The following TRUB1 variants were observed in gnomAD, a reference collection of about 807,000 sequenced individuals.
The protein encoded by TRUB1 is pseudouridylate synthase TRUB1.
TRUB1 carries 23 observed loss-of-function variants against 33.9 expected under a neutral mutation model. The ratio of observed to expected loss-of-function variants is 0.68; its 90% CI spans 0.49 to 0.96. TRUB1 has a LOEUF of 0.96. TRUB1 is among the 40% of genes least tolerant of loss of function. The pLI, the probability that TRUB1 is intolerant of heterozygous loss-of-function variation, is 0.00. For synonymous variants in TRUB1, 163 were observed against 165.4 expected (o/e 0.99, Z 0.11); for missense variants, 378 against 422.2 (o/e 0.90, Z 0.92).
At position 114,951,124 on chromosome 10, in the gene TRUB1, T is replaced by C. The variant is rs2084233463; in HGVS notation, c.416T>C (p.Leu139Ser). 6.2e-7 allele frequency: 1 copy of C among 1,612,940 alleles called. No individual in the cohort carries two copies. The highest frequency in any genetic ancestry group is 8.5e-7 in the Non-Finnish European group (1 of 1,179,320). The change falls in exon 3 of 8, where the codon TTG becomes TCG. Residue 139 changes from leucine (L) to serine (S), a missense_variant. Transcript: ENST00000298746. ...VVGIGSGTKM[L>S]TSMLSGSKRY... ...GGAATTGGAAGCGGAACAAAAATGTTGACCAGTATGTTGTCAGGGTCCAAG... is the reference window on the plus strand; with the variant it reads ...GGAATTGGAAGCGGAACAAAAATGTCGACCAGTATGTTGTCAGGGTCCAAG...
At position 114,976,538 on chromosome 10, in the gene TRUB1, A is replaced by G. The variant is rs986322114; in HGVS notation, c.*1159A>G. ...ATTCAGATCCCTCTTCCTTTACTCA[A>G]ATACAGTTTCAAAAGGAAGACTCAT... is the stretch of plus-strand genomic sequence containing the variant. On this transcript the variant is annotated 3_prime_UTR_variant, in exon 8 of 8. Coordinates refer to ENST00000298746, the MANE Select transcript of TRUB1 (RefSeq NM_139169.5). The G allele has an allele frequency of 1.3e-5, 2 of 152,144 alleles. No homozygotes were observed. The highest frequency in any genetic ancestry group is 4.8e-5 in the African/African-American group (2 of 41,452). The allele number at this position is 152,144 out of a possible 1,614,324, so 9.4% of individuals were successfully genotyped here. A position where few individuals can be genotyped will look rare whatever the true frequency, so the allele number is the denominator to read the frequency against.
At chr10:114,951,064 T>C (rs1159118372) in intron 2 of TRUB1, 30 bp from the exon 3 acceptor site, 1 of 1,589,206 alleles carries the variant, frequency 6.3e-7, no homozygotes, top group African/African-American at 1.3e-5. Flanking sequence ...CAGAACAGAG[T>C]GTCATAATAT....
rs2084168645 is a variant in TRUB1, at chr10:114,938,288, C to T, written c.35C>T (p.Pro12Leu). Residue 12 changes from proline to leucine, a missense_variant, in exon 1 of 8, where the codon CCG (proline) becomes CTG (leucine). Physicochemically the swap from Pro to Leu is moderately conservative, Grantham distance 98. Transcript: ENST00000298746. ...TCTGAGGCGGCGGTGGTGTCTTCGCCGTCTTTGAAAACAGACACATCCCCT... is the reference window on the plus strand; with the variant it reads ...TCTGAGGCGGCGGTGGTGTCTTCGCTGTCTTTGAAAACAGACACATCCCCT... The part of the protein sequence containing the change: ...AASEAAVVSS[P>L]SLKTDTSPVL... The T allele has an allele frequency of 3.1e-6, 5 of 1,614,092 alleles. No individual in the cohort carries two copies. Among genetic ancestry groups the T allele is most frequent in the Admixed American group, 1.7e-5 (1 of 60,010 alleles).
intron 5 of TRUB1, among the ~76,000 whole-genome samples, chr10:114,970,755 GA>G (rs1285972721): frequency 3.9e-5 from 6 of 152,272 alleles, no homozygotes; most frequent in African/African-American, 1.4e-4. Flanking sequence ...TCTTTTCCTA[GA>G]ACTGTTGTGA....
chr10:114,940,465 A>G (rs1272336416), intron 1 of TRUB1, among the ~76,000 whole-genome samples: 1 of 152,088 alleles, frequency 6.6e-6, no homozygotes. Context: ...GCCATGTTTG[A>G]CAACCATGAT....
chr10:114,947,807 C>A (rs1040206586), intron 2 of TRUB1, among the ~76,000 whole-genome samples: 3 of 152,180 alleles, frequency 2.0e-5, no homozygotes, highest in African/African-American at 4.8e-5. Context: ...TTTGTCAGAA[C>A]TGATTTTGTG....
intron 4 of TRUB1, chr10:114,969,718 G>A (rs1457504901): frequency 1.3e-5 from 1 of 76,632 alleles, no homozygotes; most frequent in Non-Finnish European, 2.5e-5. Context: ...GCTTATTTTT[G>A]AGGCCGGCTG....
At chr10:114,963,573 A>G (rs889601284) in intron 4 of TRUB1, among the ~76,000 whole-genome samples, 4 of 152,266 alleles carry the variant, frequency 2.6e-5, no homozygotes, top group Non-Finnish European at 5.9e-5. Flanking sequence ...GAAGATTGCT[A>G]GAAACCACAC....
intron 4 of TRUB1, 34 bp downstream of exon 4, chr10:114,959,841 A>G (rs1391869529): frequency 2.3e-6 from 3 of 1,326,188 alleles, no homozygotes; most frequent in African/African-American, 3.0e-5. Flanking sequence ...CCTCTTTTCT[A>G]ACATTTAGGA....
At chr10:114,963,284 C>G (rs1438449558) in intron 4 of TRUB1, among the ~76,000 whole-genome samples, 2 of 152,198 alleles carry the variant, frequency 1.3e-5, no homozygotes, top group East Asian at 3.8e-4. Flanking sequence ...ATGGTACTGT[C>G]TCCTCTTGGA....
At chr10:114,940,960 T>C (rs1202681331) in intron 1 of TRUB1, among the ~76,000 whole-genome samples, 1 of 152,154 alleles carries the variant, frequency 6.6e-6, no homozygotes, top group Admixed American at 6.5e-5. Context: ...GAGACCATGG[T>C]TCTGACTCAG....
intron 2 of TRUB1, among the ~76,000 whole-genome samples, chr10:114,949,437 AAGG>A (rs1300507875): frequency 6.6e-6 from 1 of 152,190 alleles, no homozygotes; most frequent in Non-Finnish European, 1.5e-5. Context: ...TATGACTTAG[AAGG>A]ACAATACAGA....
intron 3 of TRUB1, among the ~76,000 whole-genome samples, chr10:114,954,312 G>A (rs2143021406): frequency 6.6e-6 from 1 of 152,252 alleles, no homozygotes; most frequent in South Asian, 2.1e-4. Flanking sequence ...AGTCGTAATT[G>A]GAGATATTGC....
At chr10:114,967,138 A>G (rs1038194159) in intron 4 of TRUB1, among the ~76,000 whole-genome samples, 1 of 152,202 alleles carries the variant, frequency 6.6e-6, no homozygotes, top group African/African-American at 2.4e-5. Context: ...TATTTTCCTC[A>G]AATTCCAGCT....
chr10:114,943,665 A>G (rs955186723), intron 2 of TRUB1, among the ~76,000 whole-genome samples: 4 of 152,178 alleles, frequency 2.6e-5, no homozygotes, highest in Non-Finnish European at 5.9e-5. Context: ...CCCTCACAGG[A>G]GGGAGAGAGG....
intron 5 of TRUB1, among the ~76,000 whole-genome samples, chr10:114,971,716 T>A (rs566529897): frequency 6.6e-6 from 1 of 152,234 alleles, no homozygotes; most frequent in African/African-American, 2.4e-5. Flanking sequence ...TGGTAACTTA[T>A]ATAAAAATGA....
At chr10:114,968,214 A>G (rs750955135) in intron 4 of TRUB1, among the ~76,000 whole-genome samples, 2 of 152,220 alleles carry the variant, frequency 1.3e-5, no homozygotes, top group Non-Finnish European at 2.9e-5. Context: ...TCAGTCAGAG[A>G]AAGAGACAAT....
At chr10:114,955,649 C>G (rs1052137550) in intron 3 of TRUB1, among the ~76,000 whole-genome samples, 5 of 152,122 alleles carry the variant, frequency 3.3e-5, no homozygotes, top group African/African-American at 9.7e-5. Flanking sequence ...CCCAAGAACA[C>G]AGTAACATTT....
intron 3 of TRUB1, among the ~76,000 whole-genome samples, chr10:114,956,068 T>G (rs2084260305): frequency 6.6e-6 from 1 of 152,204 alleles, no homozygotes; most frequent in African/African-American, 2.4e-5. Context: ...AGAAACATTT[T>G]TCTTTCTCCT....
Sources: allele counts gnomAD v4.1 joint callset (sites outside exome capture counted in the v4.1 genomes callset), GRCh38; gene constraint gnomAD v4.1.1; transcripts MANE v1.5; gene names NCBI Gene and HGNC (gene_info 2026-07-23, HGNC 2026-07-21).